The following RUFY1 variants were observed in gnomAD, a reference collection of about 807,000 sequenced individuals.
The protein encoded by RUFY1 is RUN and FYVE domain-containing protein 1.
In RUFY1, 54 loss-of-function variants were observed where a neutral mutation model predicts 94.6. The ratio of observed to expected loss-of-function variants is 0.57; its 90% CI spans 0.46 to 0.72. The LOEUF is 0.72. RUFY1 is among the 30% of genes least tolerant of loss of function. The pLI is 0.00. For missense variants in RUFY1, 883 were observed against 883.9 expected, an observed-to-expected ratio of 1.00 and a Z score of 0.01; for synonymous variants, 396 against 347.3, an observed-to-expected ratio of 1.14 and a Z score of -1.56.
intron 9 of RUFY1, among the ~76,000 whole-genome samples, chr5:179,589,945 C>T (rs980552588): frequency 2.6e-5 from 4 of 152,220 alleles, no homozygotes; most frequent in African/African-American, 7.2e-5. Flanking sequence ...CGTGGGCGGG[C>T]CTGGGCCATC....
chr5:179,589,461 C>T (rs1764861545), intron 8 of RUFY1, 85 bp from the exon 9 acceptor site: 7 of 850,436 alleles, frequency 8.2e-6, no homozygotes, highest in South Asian at 7.0e-5. Flanking sequence ...ACATTGTCAA[C>T]TGTGAAGATG....
intron 2 of RUFY1, among the ~76,000 whole-genome samples, chr5:179,561,678 C>CTGTTTTTTTTTTT (rs1762464183): frequency 1.5e-5 from 1 of 64,606 alleles, no homozygotes; most frequent in Non-Finnish European, 2.8e-5. Flanking sequence ...TTTTTTCTTT[C>CTGTTTTTTTTTTT]TTTTTTTTTT....
In RUFY1 at chr5:179,591,767, TAGAA is replaced by T. The variant is rs745478094; in HGVS notation, c.1245+30_1245+33del. The T allele has an allele frequency of 1.4e-4, 190 of 1,315,580 alleles. No individual in the cohort carries two copies. The East Asian group carries it at 1.6e-3, about 11-fold the overall frequency. The allele number at this position is 1,315,580 out of a possible 1,614,324, so 81.5% of individuals were successfully genotyped here. A position where few individuals can be genotyped will look rare whatever the true frequency, so the allele number is the denominator to read the frequency against. On this transcript the variant is annotated intron_variant, in intron 10 of 17. Coordinates refer to ENST00000319449, the MANE Select transcript of RUFY1 (RefSeq NM_025158.5). ...GTGAGTGTGCAAGACCGAGTGTCTTTAGAAAGAGTTTCCCCGTAGTGTTAATTCT... is the reference window on the plus strand; with the variant it reads ...GTGAGTGTGCAAGACCGAGTGTCTTTAGAGTTTCCCCGTAGTGTTAATTCT...
At chr5:179,589,672 C>G (rs767722972) in intron 9 of RUFY1, 25 bp downstream of exon 9, 2 of 1,498,822 alleles carry the variant, frequency 1.3e-6, no homozygotes, top group Non-Finnish European at 1.9e-6. Flanking sequence ...TACATTTGGG[C>G]AGCATGTTTC....
intron 3 of RUFY1, among the ~76,000 whole-genome samples, chr5:179,563,561 T>C (rs1473929545): frequency 6.6e-6 from 1 of 152,246 alleles, no homozygotes; most frequent in East Asian, 1.9e-4. Flanking sequence ...TGCCAAGCCC[T>C]GTGCATTCTT....
intron 1 of RUFY1, among the ~76,000 whole-genome samples, chr5:179,554,566 A>T (rs901213602): frequency 7.9e-5 from 12 of 151,932 alleles, no homozygotes; most frequent in African/African-American, 2.9e-4. Flanking sequence ...AAGTTTTCCC[A>T]TGTGGGGTCT....
At chr5:179,585,064 G>A (rs1764489913) in intron 7 of RUFY1, among the ~76,000 whole-genome samples, 1 of 152,124 alleles carries the variant, frequency 6.6e-6, no homozygotes, top group Non-Finnish European at 1.5e-5. Context: ...CCAGGAGGTG[G>A]AGGTTCCAGT....
At chr5:179,560,403 T>G (rs1198882857) in intron 2 of RUFY1, among the ~76,000 whole-genome samples, 2 of 152,142 alleles carry the variant, frequency 1.3e-5, no homozygotes, top group South Asian at 4.1e-4. Flanking sequence ...TTTTAAAGTT[T>G]CTGGTAGCCA....
In RUFY1 at chr5:179,572,341, G is replaced by A. The variant is rs889212117; in HGVS notation, c.828+2916G>A. 190 of 195,050 alleles carry A rather than the reference G, an allele frequency of 9.7e-4. 1 individual carries two copies. Among genetic ancestry groups the A allele is most frequent in the Non-Finnish European group, 1.7e-4 (15 of 90,186 alleles). 12.1% of individuals were successfully genotyped at this position (195,050 alleles called of 1,614,324 possible). ...GAACGTCGCATTCAGCGACCATGCC[G>A]AGGATTTCCGCAAGCTGGGCTGCGA... On this transcript the variant is annotated intron_variant, in intron 5 of 17. Coordinates refer to ENST00000319449, the MANE Select transcript of RUFY1 (RefSeq NM_025158.5).
chr5:179,607,682 C>A (rs1328890718), intron 17 of RUFY1, 23 bp downstream of exon 17: 1 of 1,590,926 alleles, frequency 6.3e-7, no homozygotes. Context: ...TCCACCCACC[C>A]TCCCAGTGCC....
chr5:179,602,247 C>G (rs1394165949), intron 15 of RUFY1: 2 of 442,968 alleles, frequency 4.5e-6, no homozygotes, highest in Non-Finnish European at 8.2e-6. Flanking sequence ...ACTCCTATTC[C>G]TTAGCTTCAT....
chr5:179,580,883 AACAGTT>A, intron 6 of RUFY1, 58 bp from the exon 7 acceptor site: 2 of 876,696 alleles, frequency 2.3e-6, no homozygotes, highest in Non-Finnish European at 3.7e-6. Context: ...AATATTGGGG[AACAGTT>A]ACAAAGTATT....
rs533275849 is a variant in RUFY1 at position 179,564,587 on chromosome 5, C to T, written c.602+1923C>T. On this transcript the variant is annotated intron_variant, in intron 3 of 17. Transcript: ENST00000319449. ...ACTATAGGCTGAGGCAGGAGAATTG[C>T]CTGAACCCAGGAGGTGGAGGTTGCA... Among the ~76,000 whole-genome samples the T allele has an allele frequency of 6.6e-5, 10 of 152,000 alleles. No individual in the cohort carries two copies. The South Asian group carries it at 1.2e-3, about 19-fold the overall frequency.
At chr5:179,587,899 A>T (rs6874476) in intron 8 of RUFY1, among the ~76,000 whole-genome samples, 51,501 of 151,534 alleles carry the variant, frequency 0.34, 8,998 homozygotes, top group Non-Finnish European at 0.38. Context: ...GTGGTGACAC[A>T]CACCTGTACT....
intron 1 of RUFY1, among the ~76,000 whole-genome samples, chr5:179,551,151 G>T (rs939687695): frequency 1.3e-5 from 2 of 152,198 alleles, no homozygotes; most frequent in Non-Finnish European, 2.9e-5. Flanking sequence ...GCGCGTCCGG[G>T]CTTCGGAACT....
intron 13 of RUFY1, among the ~76,000 whole-genome samples, chr5:179,597,115 C>A (rs537454174): frequency 6.6e-6 from 1 of 152,206 alleles, no homozygotes; most frequent in South Asian, 2.1e-4. Context: ...TGCAGTGGTG[C>A]AGTCTCAGCT....
chr5:179,590,517 C>T (rs1764980028), intron 9 of RUFY1, among the ~76,000 whole-genome samples: 1 of 151,654 alleles, frequency 6.6e-6, no homozygotes, highest in Non-Finnish European at 1.5e-5. Context: ...CAGAGTCTCC[C>T]TCTGTCGCCC....
chr5:179,608,335 C>T, intron 17 of RUFY1: 1 of 985,798 alleles, frequency 1.0e-6, no homozygotes, highest in Non-Finnish European at 1.2e-6. Flanking sequence ...CGCTCCCCAA[C>T]CCGAGTTTCA....
intron 2 of RUFY1, among the ~76,000 whole-genome samples, chr5:179,561,700 T>TTTTTTTG (rs764059834): frequency 0.15 from 14,526 of 95,024 alleles, 2,223 homozygotes; most frequent in Non-Finnish European, 0.22. Context: ...TTTTTTTTTT[T>TTTTTTTG]TTTGAAGAGT....
Sources: allele counts gnomAD v4.1 joint callset (sites outside exome capture counted in the v4.1 genomes callset), GRCh38; gene constraint gnomAD v4.1.1; transcripts MANE v1.5; gene names NCBI Gene and HGNC (gene_info 2026-07-23, HGNC 2026-07-21).